The following MAGI1 variants were observed in gnomAD, a reference collection of about 807,000 sequenced individuals.
The protein encoded by MAGI1 is membrane associated guanylate kinase, WW and PDZ domain containing 1, also known as membrane-associated guanylate kinase, WW and PDZ domain-containing protein 1.
Under a neutral mutation model 139.9 loss-of-function variants are expected in MAGI1, and 58 were observed. The ratio of observed to expected loss-of-function variants is 0.41; its 90% CI spans 0.34 to 0.52. The LOEUF is 0.52. Ranked by LOEUF, MAGI1 falls within the 20% of genes least tolerant of loss-of-function variation. The pLI is 0.12. For missense variants in MAGI1, 1,874 were observed against 1,901.6 expected (o/e 0.99, Z 0.27); for synonymous variants, 812 against 737.9 (o/e 1.10, Z -1.63).
chr3:65,805,631 A>T (rs940727046), intron 1 of MAGI1, among the ~76,000 whole-genome samples: 1 of 152,206 alleles, frequency 6.6e-6, no homozygotes, highest in Non-Finnish European at 1.5e-5. Flanking sequence ...ACAAAGGTAC[A>T]TGCACGTGTA....
At chr3:65,761,370 G>T (rs978802532) in intron 1 of MAGI1, among the ~76,000 whole-genome samples, 1 of 152,038 alleles carries the variant, frequency 6.6e-6, no homozygotes, top group Non-Finnish European at 1.5e-5. Flanking sequence ...GTCAAATGAA[G>T]AATACTGTTA....
At chr3:65,490,956 T>C (rs1951987265) in intron 3 of MAGI1, among the ~76,000 whole-genome samples, 3 of 151,886 alleles carry the variant, frequency 2.0e-5, no homozygotes, top group Admixed American at 1.3e-4. Flanking sequence ...GGGTTAGAAC[T>C]GGAAAAGATT....
chr3:66,026,518 G>C (rs1027038296), intron 1 of MAGI1, among the ~76,000 whole-genome samples: 8 of 151,062 alleles, frequency 5.3e-5, no homozygotes, highest in African/African-American at 2.0e-4. Context: ...AGATATTCCT[G>C]AGTACCTACA....
At chr3:65,859,354 A>G (rs13061689) in intron 1 of MAGI1, among the ~76,000 whole-genome samples, 57,990 of 151,554 alleles carry the variant, frequency 0.38, 11,717 homozygotes, top group Middle Eastern at 0.46. Flanking sequence ...CCTGCATTAG[A>G]CCCCTACAAA....
At chr3:65,696,116 T>C (rs771555672) in intron 1 of MAGI1, among the ~76,000 whole-genome samples, 2 of 152,166 alleles carry the variant, frequency 1.3e-5, no homozygotes, top group East Asian at 1.9e-4. Flanking sequence ...ATTCTACAAA[T>C]ACAGTGAGCT....
intron 1 of MAGI1, among the ~76,000 whole-genome samples, chr3:65,692,586 GGCT>G (rs2088778113): frequency 6.6e-6 from 1 of 152,132 alleles, no homozygotes; most frequent in Admixed American, 6.5e-5. Context: ...TAGATAAGGA[GGCT>G]GCTATGGTTT....
intron 1 of MAGI1, among the ~76,000 whole-genome samples, chr3:65,833,695 T>C (rs2042653342): frequency 6.6e-6 from 1 of 152,386 alleles, no homozygotes; most frequent in South Asian, 2.1e-4. Context: ...TACAACCAAC[T>C]TGAAGCAAGT....
intron 2 of MAGI1, among the ~76,000 whole-genome samples, chr3:65,550,800 A>AG (rs2079788776): frequency 3.8e-5 from 3 of 78,502 alleles, no homozygotes. Flanking sequence ...CCCCATGTCC[A>AG]CAAAAAAAAA....
intron 1 of MAGI1, among the ~76,000 whole-genome samples, chr3:65,761,196 G>C (rs892464477): frequency 2.6e-5 from 4 of 152,068 alleles, no homozygotes; most frequent in Non-Finnish European, 4.4e-5. Flanking sequence ...GGATGTACTA[G>C]GCAAAAGATG....
At chr3:65,565,461 C>T (rs1035648466) in intron 2 of MAGI1, among the ~76,000 whole-genome samples, 1 of 152,126 alleles carries the variant, frequency 6.6e-6, no homozygotes, top group Non-Finnish European at 1.5e-5. Context: ...TTTGTGTTCA[C>T]GGTTGTTAAA....
chr3:65,825,651 T>C (rs377368467), intron 1 of MAGI1, among the ~76,000 whole-genome samples: 170 of 152,260 alleles, frequency 1.1e-3, no homozygotes, highest in Middle Eastern at 3.4e-3. Context: ...AACTATATAT[T>C]CATCAATGAG....
At chr3:65,627,604 T>TTCACGCC (rs1291642358) in intron 1 of MAGI1, among the ~76,000 whole-genome samples, 6 of 135,816 alleles carry the variant, frequency 4.4e-5, no homozygotes, top group African/African-American at 1.6e-4. Context: ...GCCTCCCGGG[T>TTCACGCC]TCACGCCATC....
chr3:65,800,473 T>C (rs753950447), intron 1 of MAGI1, among the ~76,000 whole-genome samples: 1 of 152,148 alleles, frequency 6.6e-6, no homozygotes, highest in Non-Finnish European at 1.5e-5. Context: ...CCAGACATTG[T>C]GTATCAGTGA....
At chr3:65,415,649 A>G (rs77318930) in intron 12 of MAGI1, among the ~76,000 whole-genome samples, 3,060 of 152,344 alleles carry the variant, frequency 0.02, 99 homozygotes, top group African/African-American at 0.07. Context: ...TCAACAAAAA[A>G]TAACCCAGAA....
intron 4 of MAGI1, among the ~76,000 whole-genome samples, chr3:65,474,116 T>C (rs1950721467): frequency 6.6e-6 from 1 of 152,078 alleles, no homozygotes; most frequent in African/African-American, 2.4e-5. Flanking sequence ...AAATTAAAAA[T>C]TAGCCGGGTG....
intron 1 of MAGI1, among the ~76,000 whole-genome samples, chr3:65,973,495 G>A (rs1283853785): frequency 6.6e-6 from 1 of 152,194 alleles, no homozygotes; most frequent in Non-Finnish European, 1.5e-5. Context: ...TGTACACACA[G>A]GAGATGGTAT....
chr3:65,509,641 T>C (rs2077476352), intron 2 of MAGI1, among the ~76,000 whole-genome samples: 1 of 152,092 alleles, frequency 6.6e-6, no homozygotes, highest in Admixed American at 6.5e-5. Context: ...CACACCTGGC[T>C]CAGAGGGTCC....
In MAGI1 at chr3:65,437,251, T is replaced by C. The variant is rs373210495; in HGVS notation, c.1271-4A>G. 1 of 1,594,276 alleles carries C rather than the reference T, an allele frequency of 6.3e-7. No individual in the cohort carries two copies. The highest frequency in any genetic ancestry group is 8.6e-7 in the Non-Finnish European group (1 of 1,164,284). On this transcript the variant is annotated splice_region_variant and splice_polypyrimidine_tract_variant and intron_variant, in intron 9 of 22. Coordinates refer to ENST00000402939, the MANE Select transcript of MAGI1 (RefSeq NM_001033057.2). ...GCTGAGTGATCTTCTGTCCATTCTA[T>C]GAAAAAGAAAAGAAAGTTTCCTATT... is the stretch of plus-strand genomic sequence containing the variant.
In MAGI1 at chr3:65,945,799, G is replaced by A. The variant is rs116048258; in HGVS notation, c.313+92197C>T. 4.2e-3 allele frequency among the ~76,000 whole-genome samples: 643 copies of A among 152,288 alleles called. 6 individuals are homozygous for A. Among genetic ancestry groups the A allele is most frequent in the African/African-American group, 0.014 (595 of 41,562 alleles). ...TGTGATTCTGGGGACTACCCAATTC[G>A]TGAATCATTCGTTGCTCACTTAAAC... On this transcript the variant is annotated intron_variant, in intron 1 of 22. Coordinates refer to ENST00000402939, the MANE Select transcript of MAGI1 (RefSeq NM_001033057.2).
Sources: allele counts gnomAD v4.1 joint callset (sites outside exome capture counted in the v4.1 genomes callset), GRCh38; gene constraint gnomAD v4.1.1; transcripts MANE v1.5; gene names NCBI Gene and HGNC (gene_info 2026-07-23, HGNC 2026-07-21).